Variants in KAT2B observed in about 807,000 individuals in gnomAD.
KAT2B encodes the protein histone acetyltransferase KAT2B.
KAT2B carries 36 observed loss-of-function variants against 105.9 expected under a neutral mutation model. The observed-to-expected ratio is 0.34, with a 90% CI of 0.26 to 0.45. KAT2B has a LOEUF of 0.45. Among genes scored for constraint, KAT2B ranks in the 20% least tolerant of loss-of-function variants. The pLI is 1.00. For synonymous variants in KAT2B, 397 were observed against 377.9 expected (o/e 1.05, Z -0.59); for missense variants, 820 against 1,021.6 (o/e 0.80, Z 2.69).
intron 5 of KAT2B, among the ~76,000 whole-genome samples, chr3:20,104,164 T>A (rs1698958319): frequency 6.6e-6 from 1 of 152,036 alleles, no homozygotes; most frequent in East Asian, 1.9e-4. Context: ...AGCAAAAGAG[T>A]CCTTTATAGC....
chr3:20,062,779 A>G (rs1280517713), intron 1 of KAT2B, among the ~76,000 whole-genome samples: 2 of 151,768 alleles, frequency 1.3e-5, no homozygotes, highest in Non-Finnish European at 2.9e-5. Context: ...ATAATTATTA[A>G]TGATGTTGAG....
At chr3:20,122,383 T>G (rs1699326208) in intron 8 of KAT2B, among the ~76,000 whole-genome samples, 1 of 152,194 alleles carries the variant, frequency 6.6e-6, no homozygotes, top group African/African-American at 2.4e-5. Context: ...ATAGCTAGAA[T>G]CACCCCTTTG....
chr3:20,149,495 C>CAAAAAAAAAAAAAAAAAAAA lies in KAT2B; in HGVS notation c.2305+1014_2305+1033dup, dbSNP rs56091316. ...TGGGCACTGGAGGGAGACCGTATCTCAAAAAAAAAAAAAAAAAAAAAAAAA... is the reference window on the plus strand; with the variant it reads ...TGGGCACTGGAGGGAGACCGTATCTCAAAAAAAAAAAAAAAAAAAAAAAAAAAAAAAAAAAAAAAAAAAAA... On this transcript the variant is annotated intron_variant, in intron 17 of 17. Coordinates refer to ENST00000263754, the MANE Select transcript of KAT2B (RefSeq NM_003884.5). 9.8e-3 allele frequency among the ~76,000 whole-genome samples: 415 copies of CAAAAAAAAAAAAAAAAAAAA among 42,410 alleles called. 30 individuals are homozygous for CAAAAAAAAAAAAAAAAAAAA. The highest frequency in any genetic ancestry group is 0.012 in the African/African-American group (94 of 7,692). The allele number at this position is 42,410 out of a possible 152,430, so 27.8% of individuals were successfully genotyped here. A position where few individuals can be genotyped will look rare whatever the true frequency, so the allele number is the denominator to read the frequency against.
chr3:20,091,197 G>GA (rs1368809354), intron 2 of KAT2B, among the ~76,000 whole-genome samples: 4 of 152,046 alleles, frequency 2.6e-5, no homozygotes, highest in African/African-American at 9.7e-5. Flanking sequence ...TTATTAGTTT[G>GA]TTCAGATTTT....
chr3:20,100,206 T>A (rs1236491428), intron 4 of KAT2B, among the ~76,000 whole-genome samples: 1 of 152,184 alleles, frequency 6.6e-6, no homozygotes, highest in Non-Finnish European at 1.5e-5. Context: ...AAACATTAAG[T>A]AGAACATGTA....
chr3:20,132,490 G>T (rs1178675650), intron 11 of KAT2B, among the ~76,000 whole-genome samples: 1 of 152,214 alleles, frequency 6.6e-6, no homozygotes, highest in Non-Finnish European at 1.5e-5. Flanking sequence ...GTTAGAAAAT[G>T]ATCCTTTTGA....
intron 1 of KAT2B, among the ~76,000 whole-genome samples, chr3:20,061,724 T>A (rs964600443): frequency 6.4e-5 from 9 of 140,082 alleles, no homozygotes; most frequent in Non-Finnish European, 1.2e-4. Context: ...CATACGTATA[T>A]ATGAAAAAAT....
chr3:20,145,410 A>G (rs923950653), intron 13 of KAT2B, among the ~76,000 whole-genome samples: 6 of 152,088 alleles, frequency 3.9e-5, no homozygotes, highest in Admixed American at 2.6e-4. Flanking sequence ...ATGCTGCAGT[A>G]TTTACCAGCT....
chr3:20,152,054 G>C (rs1699877722), intron 17 of KAT2B, among the ~76,000 whole-genome samples: 1 of 152,066 alleles, frequency 6.6e-6, no homozygotes, highest in African/African-American at 2.4e-5. Context: ...AATCTACTTA[G>C]CTTCCTTGTG....
chr3:20,154,404 A>G lies in KAT2B; in HGVS notation c.*1879A>G, dbSNP rs185372937. On this transcript the variant is annotated 3_prime_UTR_variant, in exon 18 of 18. Transcript: ENST00000263754. ...TAAATTATATTTTAAAAAGCTTCCAATCTTGTGGTGTGTTTTATTCATTCA... is the reference window on the plus strand; with the variant it reads ...TAAATTATATTTTAAAAAGCTTCCAGTCTTGTGGTGTGTTTTATTCATTCA... 3.3e-5 allele frequency: 5 copies of G among 152,696 alleles called. No homozygotes were observed. In the East Asian group the frequency reaches 9.6e-4, roughly 29 times the overall value. 9.5% of individuals were successfully genotyped at this position (152,696 alleles called of 1,614,324 possible).
intron 1 of KAT2B, among the ~76,000 whole-genome samples, chr3:20,071,527 AGT>A (rs377756015): frequency 1.1e-3 from 175 of 152,364 alleles, no homozygotes; most frequent in African/African-American, 4.1e-3. Flanking sequence ...TGAAGCATAC[AGT>A]GTGGTACCTG....
At chr3:20,130,400 A>G (rs1215637962) in intron 11 of KAT2B, among the ~76,000 whole-genome samples, 1 of 152,226 alleles carries the variant, frequency 6.6e-6, no homozygotes, top group African/African-American at 2.4e-5. Flanking sequence ...CCAAAGTGAC[A>G]AATGTCCAGA....
intron 2 of KAT2B, among the ~76,000 whole-genome samples, chr3:20,087,884 C>T (rs1162936081): frequency 2.0e-5 from 3 of 152,126 alleles, no homozygotes; most frequent in Non-Finnish European, 1.5e-5. Flanking sequence ...AAGGGATCCT[C>T]TTGCCTTAGG....
chr3:20,093,224 A>T (rs1230546311), intron 2 of KAT2B, among the ~76,000 whole-genome samples: 1 of 152,188 alleles, frequency 6.6e-6, no homozygotes, highest in Non-Finnish European at 1.5e-5. Flanking sequence ...ACTGAGGAAA[A>T]GGTGGCCAAT....
At position 20,152,572 on chromosome 3, in the gene KAT2B, AAAGC is replaced by A. The variant is rs138556636; in HGVS notation, c.*51_*54del. The stretch of plus-strand genomic sequence containing the variant: ...TAGAAACTCACCAAGCAGTGTGCCT[AAAGC>A]AAGGTGGTTTAGTTTTTTACAAAGA... On this transcript the variant is annotated 3_prime_UTR_variant, in exon 18 of 18. Coordinates refer to ENST00000263754, the MANE Select transcript of KAT2B (RefSeq NM_003884.5). 1,875 of 1,479,004 alleles carry A rather than the reference AAAGC, an allele frequency of 1.3e-3. 26 individuals are homozygous for A. In the African/African-American group the frequency reaches 0.023, roughly 18 times the overall value. 91.6% of individuals were successfully genotyped at this position (1,479,004 alleles called of 1,614,324 possible).
intron 9 of KAT2B, among the ~76,000 whole-genome samples, chr3:20,125,305 A>AG (rs1054900687): frequency 3.4e-5 from 3 of 87,728 alleles, no homozygotes; most frequent in Non-Finnish European, 7.6e-5. Context: ...ACTCCGTCTC[A>AG]GAAAAAAAAA....
In KAT2B at chr3:20,081,519, C is replaced by G. The variant is rs191893208; in HGVS notation, c.430+9060C>G. The stretch of plus-strand genomic sequence containing the variant: ...TGATCTAAAGAAGGCAAAGCCTCCC[C>G]TCGTCCCCTCACTTGCACCTTCTGT... On this transcript the variant is annotated intron_variant, in intron 2 of 17. Coordinates refer to ENST00000263754, the MANE Select transcript of KAT2B (RefSeq NM_003884.5). Among the ~76,000 whole-genome samples, 114 of 152,286 alleles carry G rather than the reference C, an allele frequency of 7.5e-4. 1 individual carries two copies. Among genetic ancestry groups the G allele is most frequent in the Admixed American group, 7.5e-3 (114 of 15,288 alleles).
At chr3:20,095,517 C>T in intron 3 of KAT2B, 109 bp downstream of exon 3, 1 of 695,500 alleles carries the variant, frequency 1.4e-6, no homozygotes, top group South Asian at 2.0e-5. Flanking sequence ...ACATTTTGCC[C>T]TCAGAGTTTG....
intron 1 of KAT2B, among the ~76,000 whole-genome samples, chr3:20,067,993 T>G (rs1442829962): frequency 6.7e-6 from 1 of 149,240 alleles, no homozygotes; most frequent in African/African-American, 2.5e-5. Context: ...CTTTTTTCTT[T>G]CTTTCTTTTT....
Sources: gnomAD v4.1 joint callset for allele counts (sites outside exome capture counted in the v4.1 genomes callset) on GRCh38, gnomAD v4.1.1 for gene constraint, MANE v1.5 for transcripts, NCBI Gene and HGNC (gene_info 2026-07-23, HGNC 2026-07-21) for gene names.